Variants in FAM20A observed in about 807,000 individuals in gnomAD.
FAM20A encodes the protein pseudokinase FAM20A.
A neutral mutation model predicts 52.0 loss-of-function variants in FAM20A; 42 were observed. That is an observed-to-expected ratio of 0.81 (90% CI 0.63 to 1.04). The LOEUF is 1.04. Among genes scored for constraint, FAM20A ranks in the 50% least tolerant of loss-of-function variants. The pLI is 0.00. For missense variants in FAM20A, 742 were observed against 712.7 expected, an observed-to-expected ratio of 1.04 and a Z score of -0.47; for synonymous variants, 304 against 298.9, an observed-to-expected ratio of 1.02 and a Z score of -0.18.
chr17:68,581,087 C>T (rs920889682), intron 1 of FAM20A, among the ~76,000 whole-genome samples: 3 of 152,182 alleles, frequency 2.0e-5, no homozygotes, highest in Non-Finnish European at 4.4e-5. Context: ...ACTTTTAAAA[C>T]GTCTGATGCT....
At chr17:68,573,456 C>CTTCTTTCT (rs67622633) in intron 1 of FAM20A, among the ~76,000 whole-genome samples, 1 of 109,382 alleles carries the variant, frequency 9.1e-6, no homozygotes, top group African/African-American at 3.3e-5. Flanking sequence ...TTCTTTCTTT[C>CTTCTTTCT]TTCTTTCTTT....
chr17:68,598,743 A>C (rs2088528739), intron 1 of FAM20A, among the ~76,000 whole-genome samples: 1 of 152,222 alleles, frequency 6.6e-6, no homozygotes, highest in Non-Finnish European at 1.5e-5. Context: ...TCGGGTCCAA[A>C]GTAACACCGG....
chr17:68,599,124 T>TC (rs949969172), intron 1 of FAM20A, among the ~76,000 whole-genome samples: 2 of 152,184 alleles, frequency 1.3e-5, no homozygotes, highest in African/African-American at 4.8e-5. Context: ...GGTTTTTTTT[T>TC]CTCCCTTCAA....
chr17:68,590,360 A>G (rs2088269819), intron 1 of FAM20A: 1 of 152,216 alleles, frequency 6.6e-6, no homozygotes, highest in Non-Finnish European at 1.5e-5. Context: ...CTGGGGAAGA[A>G]AACACTTTTC....
Position 68,537,350 on chromosome 17 carries a change from T to C in FAM20A, c.*127A>G. 1 of 1,219,224 alleles carries C rather than the reference T, an allele frequency of 8.2e-7. No individual in the cohort carries two copies. The highest frequency in any genetic ancestry group is 1.2e-6 in the Non-Finnish European group (1 of 841,440). 75.5% of individuals were successfully genotyped at this position (1,219,224 alleles called of 1,614,324 possible). On this transcript the variant is annotated 3_prime_UTR_variant, in exon 11 of 11. Coordinates refer to ENST00000592554, the MANE Select transcript of FAM20A (RefSeq NM_017565.4). The surrounding 1 kb of genome is among the most constrained non-coding windows in gnomAD (Gnocchi z 4.2). Reference sequence around the variant, plus strand: ...GGGCCCCACTTGCTGTTTGAGAAAATGTCCTGCTTCCTTCCTAGCTGACTT... The same window carrying C: ...GGGCCCCACTTGCTGTTTGAGAAAACGTCCTGCTTCCTTCCTAGCTGACTT...
chr17:68,536,119 G>T lies in FAM20A; in HGVS notation c.*1358C>A, dbSNP rs1039303819. On this transcript the variant is annotated 3_prime_UTR_variant, in exon 11 of 11. Coordinates refer to ENST00000592554, the MANE Select transcript of FAM20A (RefSeq NM_017565.4). ...GGGGCAGCATACCAGTCATGTGGGG[G>T]TACCACGGGGTCAGAAGTGTTATTT... 9 of 453,984 alleles carry T rather than the reference G, an allele frequency of 2.0e-5. No homozygotes were observed. The highest frequency in any genetic ancestry group is 4.7e-5 in the Admixed American group (2 of 42,562). 28.1% of individuals were successfully genotyped at this position (453,984 alleles called of 1,614,324 possible).
At chr17:68,572,870 C>G (rs986407058) in intron 1 of FAM20A, among the ~76,000 whole-genome samples, 16 of 152,160 alleles carry the variant, frequency 1.1e-4, no homozygotes, top group African/African-American at 3.9e-4. Flanking sequence ...CCATTTATCT[C>G]TGTGTCCTAG....
chr17:68,592,686 A>G (rs16973098), intron 1 of FAM20A, among the ~76,000 whole-genome samples: 5,276 of 152,210 alleles, frequency 0.035, 132 homozygotes, highest in East Asian at 0.13. Flanking sequence ...GTTTTTCATG[A>G]TCCAGCTTCT....
intron 4 of FAM20A, among the ~76,000 whole-genome samples, chr17:68,546,450 C>A (rs1600543474): frequency 6.6e-6 from 1 of 152,004 alleles, no homozygotes; most frequent in Non-Finnish European, 1.5e-5. Flanking sequence ...AGACTCCTTT[C>A]CAGAAAGTTT....
At chr17:68,578,305 G>A (rs1186836748) in intron 1 of FAM20A, among the ~76,000 whole-genome samples, 1 of 152,210 alleles carries the variant, frequency 6.6e-6, no homozygotes, top group Non-Finnish European at 1.5e-5. Flanking sequence ...CTGCATGTAG[G>A]TGGGTACAAT....
intron 1 of FAM20A, among the ~76,000 whole-genome samples, chr17:68,581,398 C>CTT (rs1418610248): frequency 2.1e-5 from 3 of 144,414 alleles, no homozygotes; most frequent in African/African-American, 7.8e-5. Context: ...TTCTTTCTTT[C>CTT]TTTCTTTCTT....
chr17:68,557,457 C>A (rs1006644712), intron 1 of FAM20A: 1 of 151,876 alleles, frequency 6.6e-6, no homozygotes, highest in Non-Finnish European at 1.5e-5. Flanking sequence ...TAAAAGAGAC[C>A]CCAGAGAAAC....
intron 1 of FAM20A, among the ~76,000 whole-genome samples, chr17:68,581,418 T>TTTCTTTCTTTCTTTCTTTCTTTCTTTC (rs1386005874): frequency 3.8e-5 from 2 of 52,050 alleles, no homozygotes; most frequent in African/African-American, 8.1e-5. Flanking sequence ...TTCTTTCTTT[T>TTTCTTTCTTTCTTTCTTTCTTTCTTTC]TCTCTTTTCT....
At chr17:68,574,267 G>T (rs2087662446) in intron 1 of FAM20A, among the ~76,000 whole-genome samples, 1 of 152,130 alleles carries the variant, frequency 6.6e-6, no homozygotes, top group African/African-American at 2.4e-5. Flanking sequence ...ATCTCCCTAT[G>T]TTGCCCAGGC....
rs556009341 is a variant in FAM20A at position 68,585,130 on chromosome 17, G to T, written c.404+15133C>A. ...GCTCGCCTGTCACAGCAGATTCAAA[G>T]GTATTGTCTGAAGGGAATCTAGGCT... is the stretch of plus-strand genomic sequence containing the variant. On this transcript the variant is annotated intron_variant, in intron 1 of 10. Transcript: ENST00000592554. Among the ~76,000 whole-genome samples the T allele has an allele frequency of 5.9e-5, 9 of 152,260 alleles. No individual in the cohort carries two copies. In the South Asian group the frequency reaches 1.9e-3, roughly 32 times the overall value.
At chr17:68,596,665 G>A (rs1398652480) in intron 1 of FAM20A, among the ~76,000 whole-genome samples, 2 of 152,218 alleles carry the variant, frequency 1.3e-5, no homozygotes, top group African/African-American at 2.4e-5. Flanking sequence ...GTTAGTGTAT[G>A]GCCTGAAAGT....
Position 68,576,699 on chromosome 17 carries a change from C to T in FAM20A, c.405-20956G>A, listed in dbSNP as rs1262270379. Among the ~76,000 whole-genome samples the T allele has an allele frequency of 3.9e-5, 6 of 152,284 alleles. 1 individual carries two copies. In the South Asian group the frequency reaches 8.3e-4, roughly 21 times the overall value. The stretch of plus-strand genomic sequence containing the variant: ...TGTAGTTGGGGACCTAGGGACAAAA[C>T]GACTTGCTTAACTGATGAGCAAATC... On this transcript the variant is annotated intron_variant, in intron 1 of 10. Coordinates refer to ENST00000592554, the MANE Select transcript of FAM20A (RefSeq NM_017565.4).
chr17:68,563,463 T>C (rs1272595057), intron 1 of FAM20A, among the ~76,000 whole-genome samples: 2 of 151,076 alleles, frequency 1.3e-5, no homozygotes, highest in East Asian at 3.9e-4. Flanking sequence ...TGGGAGATGG[T>C]GTCAGCTTCC....
rs1268630876 is a variant in FAM20A, at chr17:68,535,148, G to A, written c.*2329C>T. ...CAAGAGACTTTTTATTTCATGGGAG[G>A]TAAACAGTTCAAAATGAACATGCTG... On this transcript the variant is annotated 3_prime_UTR_variant, in exon 11 of 11. Coordinates refer to ENST00000592554, the MANE Select transcript of FAM20A (RefSeq NM_017565.4). 2.5e-6 allele frequency: 1 copy of A among 397,860 alleles called. No individual in the cohort carries two copies. Among genetic ancestry groups the A allele is most frequent in the Non-Finnish European group, 5.0e-6 (1 of 201,950 alleles). 24.6% of individuals were successfully genotyped at this position (397,860 alleles called of 1,614,324 possible). A position where few individuals can be genotyped will look rare whatever the true frequency, so the allele number is the denominator to read the frequency against.
Sources: allele counts gnomAD v4.1 joint callset (sites outside exome capture counted in the v4.1 genomes callset), GRCh38; gene constraint gnomAD v4.1.1; non-coding constraint Gnocchi (gnomAD v3.1); transcripts MANE v1.5; gene names NCBI Gene and HGNC (gene_info 2026-07-23, HGNC 2026-07-21).